Variants in COL24A1 observed in about 807,000 individuals in gnomAD.
The protein encoded by COL24A1 is collagen type XXIV alpha 1 chain.
Under a neutral mutation model 253.9 loss-of-function variants are expected in COL24A1, and 224 were observed. The observed-to-expected ratio is 0.88, with a 90% CI of 0.79 to 0.99. The LOEUF is 0.99. COL24A1 is among the 50% of genes least tolerant of loss of function. The pLI, the probability that COL24A1 is intolerant of heterozygous loss-of-function variation, is 0.00. For synonymous variants in COL24A1, 685 were observed against 673.7 expected, an observed-to-expected ratio of 1.02 and a Z score of -0.26; for missense variants, 2,131 against 2,068.5, an observed-to-expected ratio of 1.03 and a Z score of -0.59.
intron 22 of COL24A1, among the ~76,000 whole-genome samples, chr1:85,969,483 T>C (rs538251920): frequency 8.8e-4 from 133 of 151,794 alleles, no homozygotes; most frequent in African/African-American, 3.1e-3. Context: ...CACATGCCTG[T>C]AATTCTAGCT....
chr1:85,958,898 A>G (rs1690746370), intron 24 of COL24A1, among the ~76,000 whole-genome samples: 1 of 152,130 alleles, frequency 6.6e-6, no homozygotes, highest in African/African-American at 2.4e-5. Context: ...TTTGTATACT[A>G]TAAATAATTG....
At chr1:85,953,488 T>C (rs75925340) in intron 24 of COL24A1, among the ~76,000 whole-genome samples, 3,179 of 152,322 alleles carry the variant, frequency 0.021, 109 homozygotes, top group African/African-American at 0.071. Flanking sequence ...ATAATTCTTT[T>C]CTCATTTTCT....
At chr1:86,109,488 A>G (rs908445512) in intron 5 of COL24A1, among the ~76,000 whole-genome samples, 23 of 152,152 alleles carry the variant, frequency 1.5e-4, no homozygotes, top group Non-Finnish European at 3.1e-4. Context: ...GATTCTCCCC[A>G]TTTTACAGAA....
At chr1:86,131,185 T>C (rs1204117710) in intron 2 of COL24A1, among the ~76,000 whole-genome samples, 1 of 152,046 alleles carries the variant, frequency 6.6e-6, no homozygotes, top group Non-Finnish European at 1.5e-5. Context: ...GAGTTGTTCT[T>C]TATCTTTGAA....
intron 12 of COL24A1, among the ~76,000 whole-genome samples, chr1:86,043,230 G>A (rs777550668): frequency 8.6e-5 from 13 of 151,994 alleles, no homozygotes; most frequent in South Asian, 2.1e-4. Flanking sequence ...CATACTCCAT[G>A]CTCATAAGAC....
intron 19 of COL24A1, among the ~76,000 whole-genome samples, chr1:85,999,270 C>T (rs1318744864): frequency 6.6e-6 from 1 of 152,080 alleles, no homozygotes; most frequent in East Asian, 1.9e-4. Context: ...GTTCAAAGGG[C>T]AGAAAGACTT....
intron 24 of COL24A1, among the ~76,000 whole-genome samples, chr1:85,957,400 G>T (rs1160138946): frequency 6.7e-6 from 1 of 149,618 alleles, no homozygotes; most frequent in East Asian, 2.0e-4. Flanking sequence ...GAGAAAAGAA[G>T]TCAAATTTGC....
intron 3 of COL24A1, among the ~76,000 whole-genome samples, chr1:86,118,066 C>CTTT (rs35013223): frequency 6.8e-6 from 1 of 146,902 alleles, no homozygotes. Context: ...GTCTAATTAA[C>CTTT]TTTTTTTTTT....
chr1:86,035,469 G>A (rs1333584756), intron 12 of COL24A1, among the ~76,000 whole-genome samples: 1 of 152,082 alleles, frequency 6.6e-6, no homozygotes, highest in Non-Finnish European at 1.5e-5. Context: ...AAATAATAAA[G>A]TGTAGGGGAC....
At chr1:85,873,954 T>C (rs1308765937) in intron 35 of COL24A1, among the ~76,000 whole-genome samples, 1 of 152,288 alleles carries the variant, frequency 6.6e-6, no homozygotes, top group East Asian at 1.9e-4. Context: ...ACTAAAATTA[T>C]TTAAAAGTAA....
intron 43 of COL24A1, among the ~76,000 whole-genome samples, chr1:85,828,789 C>T (rs933153801): frequency 1.4e-5 from 2 of 140,462 alleles, no homozygotes; most frequent in African/African-American, 5.3e-5. Context: ...GATCTTCCTC[C>T]ATCCTTTTAT....
chr1:85,948,523 C>CAAAAAA (rs751884453), intron 24 of COL24A1, among the ~76,000 whole-genome samples: 9 of 63,618 alleles, frequency 1.4e-4, no homozygotes, highest in South Asian at 5.6e-4. Context: ...GACTCCGTCT[C>CAAAAAA]AAAAAAAAAA....
chr1:85,797,392 C>T (rs1197915762), intron 47 of COL24A1, among the ~76,000 whole-genome samples: 3 of 151,950 alleles, frequency 2.0e-5, no homozygotes, highest in Non-Finnish European at 2.9e-5. Context: ...AGCTCAACTC[C>T]GACTAGAAAG....
intron 7 of COL24A1, among the ~76,000 whole-genome samples, chr1:86,087,594 T>C (rs1703158432): frequency 6.6e-6 from 1 of 151,928 alleles, no homozygotes; most frequent in Admixed American, 6.5e-5. Flanking sequence ...AAGTAATGAG[T>C]AGTTTATTCT....
chr1:86,094,400 C>T (rs1440810923), intron 5 of COL24A1, among the ~76,000 whole-genome samples: 2 of 151,956 alleles, frequency 1.3e-5, no homozygotes, highest in African/African-American at 4.8e-5. Flanking sequence ...GAACAGAAAA[C>T]CAAATACCAC....
At chr1:85,844,432 T>A (rs1333026102) in intron 39 of COL24A1, among the ~76,000 whole-genome samples, 3 of 152,014 alleles carry the variant, frequency 2.0e-5, no homozygotes, top group Non-Finnish European at 4.4e-5. Flanking sequence ...AGGGAACAGG[T>A]AGCTTCATAA....
chr1:86,132,040 T>C (rs1649312385), intron 2 of COL24A1, among the ~76,000 whole-genome samples: 1 of 152,188 alleles, frequency 6.6e-6, no homozygotes, highest in African/African-American at 2.4e-5. Context: ...TTTCCTGACT[T>C]TTTAATGATC....
At chr1:85,789,362 T>A (rs1247380800) in intron 47 of COL24A1, among the ~76,000 whole-genome samples, 1 of 152,160 alleles carries the variant, frequency 6.6e-6, no homozygotes, top group Non-Finnish European at 1.5e-5. Context: ...TCTCTGCTTG[T>A]CTGCTGTTGG....
intron 12 of COL24A1, among the ~76,000 whole-genome samples, chr1:86,043,709 G>T (rs1395875839): frequency 1.3e-5 from 2 of 151,992 alleles, no homozygotes; most frequent in Non-Finnish European, 2.9e-5. Context: ...TGTATTTTTA[G>T]TAGAGACAGG....
Sources: gnomAD v4.1 joint callset for allele counts (sites outside exome capture counted in the v4.1 genomes callset) on GRCh38, gnomAD v4.1.1 for gene constraint, MANE v1.5 for transcripts, NCBI Gene and HGNC (gene_info 2026-07-23, HGNC 2026-07-21) for gene names.